CTNNA3: variants seen among roughly 807,000 people sequenced by gnomAD.
The protein encoded by CTNNA3 is catenin alpha-3.
Under a neutral mutation model 95.7 loss-of-function variants are expected in CTNNA3, and 76 were observed. The observed-to-expected ratio is 0.79, with a 90% CI of 0.66 to 0.96. The LOEUF (loss-of-function observed/expected upper bound fraction) is 0.96, where lower values mean the gene tolerates loss of function less well. Ranked by LOEUF, CTNNA3 falls within the 40% of genes least tolerant of loss-of-function variation. The pLI, the probability that CTNNA3 is intolerant of heterozygous loss-of-function variation, is 0.00. For synonymous variants in CTNNA3, 431 were observed against 374.4 expected (o/e 1.15, Z -1.74); for missense variants, 1,191 against 1,089.8 (o/e 1.09, Z -1.31).
chr10:67,518,764 A>G (rs533651526), intron 5 of CTNNA3, among the ~76,000 whole-genome samples: 2 of 152,262 alleles, frequency 1.3e-5, no homozygotes, highest in South Asian at 4.1e-4. Context: ...AAGCACTCAA[A>G]TTAATACATA....
intron 8 of CTNNA3, among the ~76,000 whole-genome samples, chr10:66,773,837 T>C (rs945533370): frequency 6.6e-6 from 1 of 152,176 alleles, no homozygotes; most frequent in African/African-American, 2.4e-5. Flanking sequence ...TATATCTCAC[T>C]GATGGTAGTG....
chr10:66,780,652 A>G (rs1479982048), intron 7 of CTNNA3, among the ~76,000 whole-genome samples: 5 of 152,184 alleles, frequency 3.3e-5, no homozygotes, highest in African/African-American at 1.2e-4. Context: ...ACTTACCTGA[A>G]TGTGTCTTTC....
At chr10:66,530,411 T>C (rs1396955118) in intron 10 of CTNNA3, among the ~76,000 whole-genome samples, 1 of 152,184 alleles carries the variant, frequency 6.6e-6, no homozygotes, top group Non-Finnish European at 1.5e-5. Flanking sequence ...TTTTCTCAGT[T>C]GCTTAAATGA....
At position 67,066,195 on chromosome 10, in the gene CTNNA3, C is replaced by CT. The variant is rs71006118; in HGVS notation, c.1047+114121dup. ...CTGCTGTGCCCACTGAAGTCACTGG[C>CT]TTTTTTTTTTTTTTTTTGAGACAGT... On this transcript the variant is annotated intron_variant, in intron 7 of 17. Transcript: ENST00000433211. Among the ~76,000 whole-genome samples the CT allele has an allele frequency of 3.3e-3, 408 of 123,060 alleles. 6 individuals carry two copies. Among genetic ancestry groups the CT allele is most frequent in the East Asian group, 5.2e-3 (22 of 4,244 alleles). 80.7% of individuals were successfully genotyped at this position (123,060 alleles called of 152,430 possible).
chr10:67,351,618 G>A (rs1258155038), intron 5 of CTNNA3, among the ~76,000 whole-genome samples: 1 of 151,900 alleles, frequency 6.6e-6, no homozygotes, highest in Non-Finnish European at 1.5e-5. Context: ...GCTGTAAAAT[G>A]TTTATAGATT....
At chr10:67,649,538 T>C (rs1184840125) in intron 1 of CTNNA3, among the ~76,000 whole-genome samples, 1 of 152,222 alleles carries the variant, frequency 6.6e-6, no homozygotes, top group Non-Finnish European at 1.5e-5. Context: ...CATTTTTCCA[T>C]GGTAAAAATT....
chr10:66,634,808 G>C (rs1173620791), intron 9 of CTNNA3, among the ~76,000 whole-genome samples: 1 of 152,046 alleles, frequency 6.6e-6, no homozygotes, highest in Non-Finnish European at 1.5e-5. Flanking sequence ...TTCTGAAAAA[G>C]AGGTATCAGT....
intron 2 of CTNNA3, among the ~76,000 whole-genome samples, chr10:67,636,388 C>A (rs1479806489): frequency 6.6e-6 from 1 of 152,122 alleles, no homozygotes; most frequent in Admixed American, 6.5e-5. Flanking sequence ...AAGAACAAAG[C>A]TGGAGGCTTC....
intron 12 of CTNNA3, among the ~76,000 whole-genome samples, chr10:66,346,240 TATATATAGAGAGAGAGAGAG>T (rs1176247122): frequency 0.073 from 813 of 11,122 alleles, 4 homozygotes; most frequent in South Asian, 0.15. Flanking sequence ...TATATATATA[TATATATAGAGAGAGAGAGAG>T]AGAGAGAGAG....
chr10:67,716,574 C>T (rs926061081), intron 1 of CTNNA3, among the ~76,000 whole-genome samples: 8 of 152,042 alleles, frequency 5.3e-5, no homozygotes, highest in African/African-American at 1.2e-4. Context: ...ATGCGGTGTT[C>T]GGTTTTCTGT....
intron 13 of CTNNA3, among the ~76,000 whole-genome samples, chr10:66,132,617 T>C (rs1435498521): frequency 6.6e-6 from 1 of 152,174 alleles, no homozygotes; most frequent in East Asian, 1.9e-4. Flanking sequence ...ATTGTAGCAG[T>C]ATTCACAATA....
At chr10:66,103,079 G>A in intron 14 of CTNNA3, 78 bp downstream of exon 14, 1 of 1,158,488 alleles carries the variant, frequency 8.6e-7, no homozygotes. Flanking sequence ...CCCATTAGAG[G>A]CTGCCTAGAT....
At position 67,083,399 on chromosome 10, in the gene CTNNA3, C is replaced by CA. The variant is rs551683164; in HGVS notation, c.1047+96917dup. Among the ~76,000 whole-genome samples the CA allele has an allele frequency of 5.8e-3, 827 of 142,356 alleles. 6 individuals carry two copies. Among genetic ancestry groups the CA allele is most frequent in the African/African-American group, 0.019 (732 of 39,058 alleles). The allele number at this position is 142,356 out of a possible 152,430, so 93.4% of individuals were successfully genotyped here. ...ACCATCTAGGAAATTTGTCTCAGTG[C>CA]AAAAAAAAAAAGTATAGTCCTATCT... On this transcript the variant is annotated intron_variant, in intron 7 of 17. Coordinates refer to ENST00000433211, the MANE Select transcript of CTNNA3 (RefSeq NM_013266.4).
intron 1 of CTNNA3, among the ~76,000 whole-genome samples, chr10:67,757,116 A>T (rs969296033): frequency 2.0e-4 from 31 of 152,262 alleles, no homozygotes; most frequent in African/African-American, 7.5e-4. Flanking sequence ...AACAGAAAAC[A>T]TCTGACAGAA....
chr10:66,586,712 A>C (rs1843371078), intron 10 of CTNNA3, among the ~76,000 whole-genome samples: 1 of 152,044 alleles, frequency 6.6e-6, no homozygotes, highest in African/African-American at 2.4e-5. Context: ...TCACCTTCTC[A>C]AACCTTTCAT....
chr10:66,713,550 C>T (rs1848360215), intron 9 of CTNNA3, among the ~76,000 whole-genome samples: 1 of 151,930 alleles, frequency 6.6e-6, no homozygotes, highest in African/African-American at 2.4e-5. Flanking sequence ...TGCTGGTTCC[C>T]TACTAATAGA....
rs191123062 is a variant in CTNNA3 at position 67,195,814 on chromosome 10, T to C, written c.844-15294A>G. ...TCAATATTTTGGTTGGAAAAAGTTT[T>C]CTGTATTTTAATAACATGATGGAAT... On this transcript the variant is annotated intron_variant, in intron 6 of 17. Coordinates refer to ENST00000433211, the MANE Select transcript of CTNNA3 (RefSeq NM_013266.4). Among the ~76,000 whole-genome samples, 539 of 152,242 alleles carry C rather than the reference T, an allele frequency of 3.5e-3. 4 individuals are homozygous for C. The highest frequency in any genetic ancestry group is 0.012 in the African/African-American group (519 of 41,578).
intron 11 of CTNNA3, among the ~76,000 whole-genome samples, chr10:66,419,648 G>A (rs967940932): frequency 5.3e-5 from 8 of 151,888 alleles, no homozygotes; most frequent in African/African-American, 1.9e-4. Flanking sequence ...TATATTACAG[G>A]GCTATAATAA....
Position 66,319,152 on chromosome 10 carries a change from A to T in CTNNA3, c.1733-38531T>A, listed in dbSNP as rs541207881. Among the ~76,000 whole-genome samples the T allele has an allele frequency of 7.2e-5, 11 of 152,234 alleles. No homozygotes were observed. In the East Asian group the frequency reaches 1.5e-3, roughly 21 times the overall value. On this transcript the variant is annotated intron_variant, in intron 12 of 17. Coordinates refer to ENST00000433211, the MANE Select transcript of CTNNA3 (RefSeq NM_013266.4). Reference sequence around the variant, plus strand: ...TATCACAACTATAAATGGGAATAATAATAAAAATGGGAATAATTACTTGAT... The same window carrying T: ...TATCACAACTATAAATGGGAATAATTATAAAAATGGGAATAATTACTTGAT...
Sources: allele counts gnomAD v4.1 joint callset (sites outside exome capture counted in the v4.1 genomes callset), GRCh38; gene constraint gnomAD v4.1.1; transcripts MANE v1.5; gene names NCBI Gene and HGNC (gene_info 2026-07-23, HGNC 2026-07-21).